MIS18A: variants seen among roughly 807,000 people sequenced by gnomAD.
MIS18A encodes protein Mis18-alpha.
Under a neutral mutation model 25.0 loss-of-function variants are expected in MIS18A, and 14 were observed. The ratio of observed to expected loss-of-function variants is 0.56; its 90% CI spans 0.37 to 0.88. The LOEUF (loss-of-function observed/expected upper bound fraction) is 0.88, where lower values mean the gene tolerates loss of function less well. Ranked by LOEUF, MIS18A falls within the 40% of genes least tolerant of loss-of-function variation. MIS18A has a pLI of 0.00. For missense variants in MIS18A, 292 were observed against 290.8 expected (o/e 1.00, Z -0.03); for synonymous variants, 134 against 118.6 (o/e 1.13, Z -0.84).
chr21:32,246,331 C>G, the MIS18A span, among the ~76,000 whole-genome samples: 1 of 152,140 alleles, frequency 6.6e-6, no homozygotes, highest in Non-Finnish European at 1.5e-5. Context: ...TCAGAACCAG[C>G]CAGGTGTAGA....
At chr21:32,234,143 G>T in the MIS18A span, among the ~76,000 whole-genome samples, 1 of 152,144 alleles carries the variant, frequency 6.6e-6, no homozygotes, top group Admixed American at 6.5e-5. Flanking sequence ...GTTAACAATA[G>T]GGGAAATAGT....
At chr21:32,262,470 G>A in the MIS18A span, among the ~76,000 whole-genome samples, 1 of 152,200 alleles carries the variant, frequency 6.6e-6, no homozygotes, top group Admixed American at 6.5e-5. Flanking sequence ...GACAAGCCCC[G>A]CAGCTCCTGG....
the MIS18A span, among the ~76,000 whole-genome samples, chr21:32,200,594 C>T: frequency 5.9e-5 from 9 of 151,988 alleles, no homozygotes; most frequent in East Asian, 1.9e-4. Context: ...CCACCATGCT[C>T]GGCTAATTTT....
At chr21:32,229,499 T>C in the MIS18A span, among the ~76,000 whole-genome samples, 1 of 152,218 alleles carries the variant, frequency 6.6e-6, no homozygotes, top group East Asian at 1.9e-4. Flanking sequence ...ACCCGCTGCA[T>C]TAGTAAAGTA....
chr21:32,258,993 C>T, the MIS18A span, among the ~76,000 whole-genome samples: 6 of 151,056 alleles, frequency 4.0e-5, no homozygotes, highest in East Asian at 9.8e-4. Flanking sequence ...CTCACTTCAG[C>T]CTCCAGGGTG....
chr21:32,220,563 ACTT>A, the MIS18A span, among the ~76,000 whole-genome samples: 7 of 152,194 alleles, frequency 4.6e-5, no homozygotes, highest in East Asian at 1.9e-4. Flanking sequence ...AAGCCAGAAT[ACTT>A]CTTCTCCTCC....
the MIS18A span, among the ~76,000 whole-genome samples, chr21:32,176,187 C>T: frequency 1.2e-4 from 19 of 152,184 alleles, no homozygotes; most frequent in African/African-American, 3.4e-4. Context: ...ATACTAAATA[C>T]ATAAACTAAT....
the MIS18A span, among the ~76,000 whole-genome samples, chr21:32,210,491 C>T: frequency 2.6e-5 from 4 of 152,132 alleles, no homozygotes; most frequent in Admixed American, 6.5e-5. Flanking sequence ...TTTCAACAGT[C>T]GAGAAGGGCT....
the MIS18A span, among the ~76,000 whole-genome samples, chr21:32,196,135 T>C: frequency 2.0e-5 from 3 of 152,022 alleles, no homozygotes; most frequent in East Asian, 1.9e-4. Context: ...TCTGTGAGAG[T>C]GTTCTGGAGG....
At chr21:32,235,645 A>C in the MIS18A span, among the ~76,000 whole-genome samples, 1 of 152,188 alleles carries the variant, frequency 6.6e-6, no homozygotes, top group Admixed American at 6.5e-5. Context: ...ATCAACAAAG[A>C]AGCTAGAAGC....
At chr21:32,207,742 A>T in the MIS18A span, among the ~76,000 whole-genome samples, 1 of 152,120 alleles carries the variant, frequency 6.6e-6, no homozygotes, top group Non-Finnish European at 1.5e-5. Context: ...AACTTTAAAA[A>T]TTATAATACC....
the MIS18A span, among the ~76,000 whole-genome samples, chr21:32,199,593 AG>A: frequency 6.6e-6 from 1 of 152,146 alleles, no homozygotes; most frequent in Non-Finnish European, 1.5e-5. Context: ...AGATCACCTG[AG>A]GTCAGGAGTT....
At chr21:32,184,326 A>G in the MIS18A span, among the ~76,000 whole-genome samples, 1 of 152,250 alleles carries the variant, frequency 6.6e-6, no homozygotes, top group Non-Finnish European at 1.5e-5. Context: ...TCTCACTTCC[A>G]TACTGAGAAG....
the MIS18A span, among the ~76,000 whole-genome samples, chr21:32,162,463 C>T: frequency 6.6e-6 from 1 of 152,172 alleles, no homozygotes; most frequent in Non-Finnish European, 1.5e-5. Context: ...TATATTTCAC[C>T]CATCAGTTTC....
chr21:32,270,768 T>A (rs1569014175), intron 2 of MIS18A, among the ~76,000 whole-genome samples: 1 of 152,204 alleles, frequency 6.6e-6, no homozygotes, highest in Non-Finnish European at 1.5e-5. Flanking sequence ...CAAGAGAGAA[T>A]ATTGAGGTGG....
the MIS18A span, among the ~76,000 whole-genome samples, chr21:32,207,519 C>T: frequency 0.018 from 2,686 of 152,210 alleles, 83 homozygotes; most frequent in African/African-American, 0.061. Context: ...CTGGTACAGC[C>T]GCTTGCCAGG....
chr21:32,276,870 A>C (rs2031821654), intron 1 of MIS18A, among the ~76,000 whole-genome samples: 2 of 152,210 alleles, frequency 1.3e-5, no homozygotes, highest in African/African-American at 4.8e-5. Flanking sequence ...AAGGTTACAT[A>C]CAGTGAGCTA....
chr21:32,204,975 A>G, the MIS18A span, among the ~76,000 whole-genome samples: 1 of 152,178 alleles, frequency 6.6e-6, no homozygotes, highest in Non-Finnish European at 1.5e-5. Flanking sequence ...TAAATGGCAT[A>G]GCCTCCCATT....
chr21:32,179,384 C>G, the MIS18A span, among the ~76,000 whole-genome samples: 2 of 152,270 alleles, frequency 1.3e-5, no homozygotes, highest in South Asian at 4.1e-4. Context: ...TCTGATTCAA[C>G]TTCACACTTT....
Sources: gnomAD v4.1 joint callset for allele counts (sites outside exome capture counted in the v4.1 genomes callset) on GRCh38, gnomAD v4.1.1 for gene constraint, MANE v1.5 for transcripts, NCBI Gene and HGNC (gene_info 2026-07-23, HGNC 2026-07-21) for gene names.